The following SOX5 variants were observed in gnomAD, a reference collection of about 807,000 sequenced individuals.
SOX5 encodes the protein SRY-box transcription factor 5.
In SOX5, 9 loss-of-function variants were observed where a neutral mutation model predicts 92.0. The ratio of observed to expected loss-of-function variants is 0.10; its 90% confidence interval spans 0.06 to 0.17. The LOEUF (loss-of-function observed/expected upper bound fraction) is 0.17, where lower values mean the gene tolerates loss of function less well. SOX5 is among the 10% of genes least tolerant of loss of function. The pLI, the probability that SOX5 is intolerant of heterozygous loss-of-function variation, is 1.00. For synonymous variants in SOX5, 344 were observed against 336.3 expected (o/e 1.02, Z -0.25); for missense variants, 642 against 944.5 (o/e 0.68, Z 4.20).
At chr12:23,830,065 A>G (rs1047651394) in intron 3 of SOX5, among the ~76,000 whole-genome samples, 2 of 152,156 alleles carry the variant, frequency 1.3e-5, no homozygotes, top group African/African-American at 2.4e-5. Flanking sequence ...GAAATAAACA[A>G]TATCAGCATA....
At chr12:23,764,493 C>A (rs375030870) in intron 3 of SOX5, among the ~76,000 whole-genome samples, 117 of 152,104 alleles carry the variant, frequency 7.7e-4, no homozygotes, top group Middle Eastern at 3.4e-3. Flanking sequence ...AAACATATTG[C>A]AGCTTAGTAA....
chr12:23,650,834 T>C (rs910183892), intron 7 of SOX5, among the ~76,000 whole-genome samples: 11 of 152,054 alleles, frequency 7.2e-5, no homozygotes, highest in Admixed American at 5.3e-4. Flanking sequence ...AGCAGGAAAA[T>C]AATATTTTTT....
At chr12:24,111,813 A>G (rs1947381321) in intron 4 of SOX5, among the ~76,000 whole-genome samples, 1 of 152,222 alleles carries the variant, frequency 6.6e-6, no homozygotes, top group South Asian at 2.1e-4. Context: ...TACTATTCAC[A>G]ACTTCAATCA....
intron 2 of SOX5, among the ~76,000 whole-genome samples, chr12:24,284,844 G>C (rs1351345722): frequency 6.6e-6 from 1 of 152,172 alleles, no homozygotes; most frequent in Non-Finnish European, 1.5e-5. Flanking sequence ...AAATAATCAG[G>C]CTGAGCGTGG....
chr12:24,093,542 C>G (rs1043164237), intron 4 of SOX5, among the ~76,000 whole-genome samples: 1 of 150,306 alleles, frequency 6.7e-6, no homozygotes, highest in South Asian at 2.1e-4. Flanking sequence ...AAAACAAAAA[C>G]AAAAACAAAA....
At chr12:23,597,027 G>A (rs2137288002) in intron 9 of SOX5, among the ~76,000 whole-genome samples, 1 of 152,168 alleles carries the variant, frequency 6.6e-6, no homozygotes, top group South Asian at 2.1e-4. Context: ...TCTACTTTGG[G>A]TTGCACCTAC....
intron 2 of SOX5, among the ~76,000 whole-genome samples, chr12:24,292,348 T>C (rs1946707260): frequency 6.6e-6 from 1 of 152,206 alleles, no homozygotes; most frequent in African/African-American, 2.4e-5. Context: ...GGATTATTTA[T>C]TTGAAAATCT....
chr12:23,750,353 G>A (rs572196273), intron 4 of SOX5, among the ~76,000 whole-genome samples: 5 of 151,856 alleles, frequency 3.3e-5, no homozygotes, highest in South Asian at 4.1e-4. Flanking sequence ...AATCATAATC[G>A]GCAACTTTTT....
chr12:24,039,258 G>T (rs978179110), intron 4 of SOX5, among the ~76,000 whole-genome samples: 4 of 152,108 alleles, frequency 2.6e-5, no homozygotes, highest in African/African-American at 9.7e-5. Context: ...ATGATGATTT[G>T]ATGGTTTTTC....
chr12:23,854,728 C>A (rs2136243510), intron 2 of SOX5, among the ~76,000 whole-genome samples: 1 of 152,156 alleles, frequency 6.6e-6, no homozygotes, highest in East Asian at 1.9e-4. Context: ...TGGTTCAAAT[C>A]CTGGTTCCAT....
In SOX5 at chr12:23,755,661, G is replaced by C. The variant is rs759171095; in HGVS notation, c.545C>G (p.Ser182Trp). Residue 182 changes from serine (S) to tryptophan (W), a missense_variant, in exon 4 of 15, where the codon TCG (serine) becomes TGG (tryptophan). Physicochemically the swap from Ser to Trp is radical, Grantham distance 177. This residue lies in a region of SOX5 where 324 missense variants were observed against 461.6 expected (regional missense o/e 0.70). Transcript: ENST00000451604. Reference sequence around the variant, plus strand: ...ACCTTTTATTTCGCCAAAGTTCCCCGATCCCATTGCAAGAAGCTTGTCTTT... The same window carrying C: ...ACCTTTTATTTCGCCAAAGTTCCCCCATCCCATTGCAAGAAGCTTGTCTTT... ...DWKDKLLAMG[S>W]GNFGEIKGTP... 6.3e-7 allele frequency: 1 copy of C among 1,590,406 alleles called. No homozygotes were observed. Among genetic ancestry groups the C allele is most frequent in the Non-Finnish European group, 8.6e-7 (1 of 1,169,396 alleles).
At position 23,866,608 on chromosome 12, in the gene SOX5, C is replaced by T. The variant is rs547533972; in HGVS notation, c.271-20415G>A. ...TGGTAGTGTGGAACTGAGCCTACAACGTCTCCAAGATATGCCTATAATCTA... is the reference window on the plus strand; with the variant it reads ...TGGTAGTGTGGAACTGAGCCTACAATGTCTCCAAGATATGCCTATAATCTA... On this transcript the variant is annotated intron_variant, in intron 2 of 14. Coordinates refer to ENST00000451604, the MANE Select transcript of SOX5 (RefSeq NM_006940.6). Among the ~76,000 whole-genome samples the T allele has an allele frequency of 5.9e-5, 9 of 152,304 alleles. No individual in the cohort carries two copies. In the East Asian group the frequency reaches 9.6e-4, roughly 16 times the overall value.
intron 3 of SOX5, among the ~76,000 whole-genome samples, chr12:23,760,142 G>T (rs187380751): frequency 2.1e-4 from 32 of 152,178 alleles, no homozygotes; most frequent in African/African-American, 7.0e-4. Context: ...TTAAAAATAA[G>T]TGTGAGTTAA....
chr12:23,928,440 T>C lies in SOX5; in HGVS notation c.38+21124A>G, dbSNP rs1436928787. Among the ~76,000 whole-genome samples the C allele has an allele frequency of 2.0e-5, 3 of 152,050 alleles. No individual in the cohort carries two copies. In the East Asian group the frequency reaches 5.8e-4, roughly 29 times the overall value. ...GCCCAAGAAACTGACATTCAGAGGA[T>C]GTATGAAACCTAATGCCTTTAGTAT... On this transcript the variant is annotated intron_variant, in intron 1 of 14. Transcript: ENST00000451604.
At chr12:23,840,116 TAGTG>T (rs779453862) in intron 3 of SOX5, among the ~76,000 whole-genome samples, 45 of 151,910 alleles carry the variant, frequency 3.0e-4, no homozygotes, top group Non-Finnish European at 5.1e-4. Context: ...CTAGAGCTAA[TAGTG>T]AGTCCTGAAA....
intron 3 of SOX5, among the ~76,000 whole-genome samples, chr12:23,820,897 G>A (rs1203117661): frequency 6.6e-6 from 1 of 152,132 alleles, no homozygotes; most frequent in African/African-American, 2.4e-5. Flanking sequence ...GATTGTCTTG[G>A]CTATATGGGC....
At chr12:23,726,270 T>G (rs1377053417) in intron 6 of SOX5, among the ~76,000 whole-genome samples, 1 of 152,032 alleles carries the variant, frequency 6.6e-6, no homozygotes, top group Non-Finnish European at 1.5e-5. Flanking sequence ...CTGAAGCAAA[T>G]TTGCCATATG....
intron 1 of SOX5, among the ~76,000 whole-genome samples, chr12:24,484,407 T>A (rs116883216): frequency 1.2e-3 from 187 of 152,354 alleles, no homozygotes; most frequent in Non-Finnish European, 1.9e-3. Flanking sequence ...TTGAATCACC[T>A]TGCTGCCTTT....
chr12:23,878,624 C>G (rs1417227528), intron 2 of SOX5, among the ~76,000 whole-genome samples: 2 of 151,956 alleles, frequency 1.3e-5, no homozygotes, highest in Non-Finnish European at 2.9e-5. Flanking sequence ...AAGTATGAAA[C>G]TAGAACAAAT....
Sources: gnomAD v4.1 joint callset for allele counts (sites outside exome capture counted in the v4.1 genomes callset) on GRCh38, gnomAD v4.1.1 for gene constraint, gnomAD v4.1.1 regional missense constraint, MANE v1.5 for transcripts, NCBI Gene and HGNC (gene_info 2026-07-23, HGNC 2026-07-21) for gene names.